TRPC4: variants seen among roughly 807,000 people sequenced by gnomAD.
TRPC4 encodes short transient receptor potential channel 4.
A neutral mutation model predicts 99.4 loss-of-function variants in TRPC4; 49 were observed. The observed-to-expected ratio is 0.49, with a 90% CI of 0.39 to 0.63. TRPC4 has a LOEUF of 0.63. Ranked by LOEUF, TRPC4 falls within the 20% of genes least tolerant of loss-of-function variation. The pLI is 0.00. For synonymous variants in TRPC4, 454 were observed against 425.9 expected, an observed-to-expected ratio of 1.07 and a Z score of -0.81; for missense variants, 898 against 1,152.9, an observed-to-expected ratio of 0.78 and a Z score of 3.20.
At chr13:37,826,501 T>A (rs1958217087) in intron 1 of TRPC4, among the ~76,000 whole-genome samples, 1 of 149,004 alleles carries the variant, frequency 6.7e-6, no homozygotes, top group African/African-American at 2.5e-5. Context: ...TTTGCTTGTC[T>A]GTAAAGGATT....
At chr13:37,709,891 A>G (rs1231090923) in intron 3 of TRPC4, among the ~76,000 whole-genome samples, 1 of 152,024 alleles carries the variant, frequency 6.6e-6, no homozygotes, top group Non-Finnish European at 1.5e-5. Flanking sequence ...TAGTAACAGC[A>G]GAGAAACAAA....
At chr13:37,742,783 CT>C (rs1195765645) in intron 3 of TRPC4, among the ~76,000 whole-genome samples, 2 of 152,122 alleles carry the variant, frequency 1.3e-5, no homozygotes, top group African/African-American at 4.8e-5. Context: ...GCAGAATTTT[CT>C]TTAAGGCACA....
intron 1 of TRPC4, among the ~76,000 whole-genome samples, chr13:37,817,315 T>C (rs1476011323): frequency 6.6e-6 from 1 of 151,870 alleles, no homozygotes; most frequent in Non-Finnish European, 1.5e-5. Flanking sequence ...TAGCTAACCA[T>C]GGAGGTGAAA....
chr13:37,763,429 G>A (rs1474635515), intron 2 of TRPC4, among the ~76,000 whole-genome samples: 1 of 151,426 alleles, frequency 6.6e-6, no homozygotes. Flanking sequence ...GAGGAGAAAA[G>A]AATTGGGGAG....
Position 37,835,063 on chromosome 13 carries a change from A to T in TRPC4, c.-28+34532T>A, listed in dbSNP as rs537021585. ...TGTTTTTTTTTTTAATTTTTTTTTTAAATCCTGCATATTGTCGATGGAAGA... is the reference window on the plus strand; with the variant it reads ...TGTTTTTTTTTTTAATTTTTTTTTTTAATCCTGCATATTGTCGATGGAAGA... On this transcript the variant is annotated intron_variant, in intron 1 of 10. Coordinates refer to ENST00000379705, the MANE Select transcript of TRPC4 (RefSeq NM_016179.4). Among the ~76,000 whole-genome samples, 13 of 150,260 alleles carry T rather than the reference A, an allele frequency of 8.7e-5. No individual in the cohort carries two copies. The East Asian group carries it at 2.3e-3, about 27-fold the overall frequency.
intron 2 of TRPC4, among the ~76,000 whole-genome samples, chr13:37,780,500 C>T (rs1034416773): frequency 3.3e-5 from 5 of 152,132 alleles, no homozygotes; most frequent in African/African-American, 1.2e-4. Flanking sequence ...AAATAAAACA[C>T]AAATGGCTTT....
intron 3 of TRPC4, among the ~76,000 whole-genome samples, chr13:37,706,034 C>G (rs1221749205): frequency 6.6e-6 from 1 of 152,054 alleles, no homozygotes; most frequent in East Asian, 1.9e-4. Context: ...GTTTTTGTAC[C>G]TTAAACATAC....
chr13:37,860,885 C>G (rs1020389666), intron 1 of TRPC4, among the ~76,000 whole-genome samples: 2 of 151,486 alleles, frequency 1.3e-5, no homozygotes, highest in Admixed American at 1.3e-4. Flanking sequence ...ACGCTTTGAG[C>G]AGTCGCTGTC....
intron 3 of TRPC4, among the ~76,000 whole-genome samples, chr13:37,722,303 T>C (rs1041439192): frequency 6.6e-6 from 1 of 152,166 alleles, no homozygotes; most frequent in Non-Finnish European, 1.5e-5. Flanking sequence ...TGGAGTCAAA[T>C]CAATCACATA....
At chr13:37,735,315 A>T (rs1161132773) in intron 3 of TRPC4, among the ~76,000 whole-genome samples, 1 of 152,196 alleles carries the variant, frequency 6.6e-6, no homozygotes, top group Non-Finnish European at 1.5e-5. Flanking sequence ...TTTCAGTTTC[A>T]TAAACTTCCA....
Position 37,838,638 on chromosome 13 carries a change from T to A in TRPC4, c.-28+30957A>T, listed in dbSNP as rs1426709745. Among the ~76,000 whole-genome samples the A allele has an allele frequency of 4.6e-5, 7 of 152,210 alleles. No homozygotes were observed. In the South Asian group the frequency reaches 8.3e-4, roughly 18 times the overall value. On this transcript the variant is annotated intron_variant, in intron 1 of 10. Transcript: ENST00000379705. ...TTTACCTATTTTAAAATCAAAAGTA[T>A]CAAAATGATTCCATTGTACTAAATT...
intron 1 of TRPC4, among the ~76,000 whole-genome samples, chr13:37,827,177 A>AT (rs1235213885): frequency 1.3e-5 from 2 of 151,496 alleles, no homozygotes; most frequent in South Asian, 4.2e-4. Flanking sequence ...CATTCTTCTA[A>AT]TTTTTTTTCA....
chr13:37,663,958 T>C (rs1952544409), intron 5 of TRPC4, among the ~76,000 whole-genome samples: 1 of 152,202 alleles, frequency 6.6e-6, no homozygotes, highest in East Asian at 1.9e-4. Flanking sequence ...ATGACCAATA[T>C]GGGCAAAAAC....
At chr13:37,651,971 C>A (rs1314478497) in intron 7 of TRPC4, among the ~76,000 whole-genome samples, 1 of 152,206 alleles carries the variant, frequency 6.6e-6, no homozygotes, top group Admixed American at 6.5e-5. Context: ...GAGATAAACT[C>A]AGAAAGAAGT....
chr13:37,848,557 G>A (rs561399104), intron 1 of TRPC4, among the ~76,000 whole-genome samples: 1 of 152,132 alleles, frequency 6.6e-6, no homozygotes, highest in Non-Finnish European at 1.5e-5. Flanking sequence ...ACAGAAGTGA[G>A]CTTGAAGTTT....
chr13:37,768,672 G>GCA (rs869159806), intron 2 of TRPC4, among the ~76,000 whole-genome samples: 1 of 136,804 alleles, frequency 7.3e-6, no homozygotes, highest in African/African-American at 3.0e-5. Context: ...GAACACACAC[G>GCA]CACACACACA....
intron 4 of TRPC4, among the ~76,000 whole-genome samples, chr13:37,686,875 TC>T (rs1953499536): frequency 6.6e-6 from 1 of 152,180 alleles, no homozygotes; most frequent in South Asian, 2.1e-4. Context: ...CAATGTCACG[TC>T]GCTTCAGCAG....
intron 8 of TRPC4, among the ~76,000 whole-genome samples, chr13:37,639,760 T>TATATATATATATAA (rs1343272989): frequency 6.6e-6 from 1 of 150,696 alleles, no homozygotes; most frequent in East Asian, 1.9e-4. Flanking sequence ...TATATATATA[T>TATATATATATATAA]AATATCAATC....
chr13:37,646,354 A>G (rs967441463), intron 8 of TRPC4, among the ~76,000 whole-genome samples: 1 of 152,082 alleles, frequency 6.6e-6, no homozygotes, highest in African/African-American at 2.4e-5. Flanking sequence ...TATCAAAAGA[A>G]CTAGTATTTT....
Sources: gnomAD v4.1 joint callset for allele counts (sites outside exome capture counted in the v4.1 genomes callset) on GRCh38, gnomAD v4.1.1 for gene constraint, MANE v1.5 for transcripts, NCBI Gene and HGNC (gene_info 2026-07-23, HGNC 2026-07-21) for gene names.